PRPSAP1: variants seen among roughly 807,000 people sequenced by gnomAD.
PRPSAP1 encodes the protein phosphoribosyl pyrophosphate synthetase associated protein 1.
Under a neutral mutation model 39.4 loss-of-function variants are expected in PRPSAP1, and 31 were observed. The ratio of observed to expected loss-of-function variants is 0.79; its 90% CI spans 0.59 to 1.06. The LOEUF (loss-of-function observed/expected upper bound fraction) is 1.06, where lower values mean the gene tolerates loss of function less well. Among genes scored for constraint, PRPSAP1 ranks in the 50% least tolerant of loss-of-function variants. The pLI is 0.00. For synonymous variants in PRPSAP1, 212 were observed against 192.6 expected, an observed-to-expected ratio of 1.10 and a Z score of -0.83; for missense variants, 430 against 511.6, an observed-to-expected ratio of 0.84 and a Z score of 1.54.
intron 7 of PRPSAP1, among the ~76,000 whole-genome samples, chr17:76,324,327 A>G (rs1399192918): frequency 2.0e-5 from 3 of 151,936 alleles, no homozygotes; most frequent in African/African-American, 7.3e-5. Flanking sequence ...AGCCGGGCGC[A>G]GTGGCTCACG....
At chr17:76,342,311 C>T (rs2071447986) in intron 3 of PRPSAP1, among the ~76,000 whole-genome samples, 1 of 152,122 alleles carries the variant, frequency 6.6e-6, no homozygotes, top group Non-Finnish European at 1.5e-5. Context: ...AGCTTCCTTC[C>T]GAGGTACCTG....
intron 7 of PRPSAP1, chr17:76,314,651 T>A (rs1255403414): frequency 1.3e-5 from 2 of 152,506 alleles, no homozygotes; most frequent in Admixed American, 6.5e-5. Flanking sequence ...ATTATAGGCA[T>A]GAGCCACCGC....
At chr17:76,328,900 G>T (rs1368202836) in intron 6 of PRPSAP1, 38 bp from the exon 7 acceptor site, 1 of 1,575,350 alleles carries the variant, frequency 6.3e-7, no homozygotes, top group African/African-American at 1.4e-5. Context: ...CTGACAGGAA[G>T]AAATCCCACG....
intron 7 of PRPSAP1, 22 bp downstream of exon 7, chr17:76,328,695 A>T: frequency 6.3e-7 from 1 of 1,599,236 alleles, no homozygotes; most frequent in Non-Finnish European, 8.5e-7. Context: ...CAAATAAAAT[A>T]AAAACACAGA....
intron 3 of PRPSAP1, among the ~76,000 whole-genome samples, chr17:76,334,322 T>C (rs2071357034): frequency 6.6e-6 from 1 of 152,188 alleles, no homozygotes; most frequent in Non-Finnish European, 1.5e-5. Flanking sequence ...GCTGCCCTCA[T>C]TACAGCAAAG....
rs1286690900 is a variant in PRPSAP1 at position 76,311,503 on chromosome 17, T to G, written c.*39A>C. The G allele has an allele frequency of 1.3e-5, 21 of 1,590,382 alleles. No homozygotes were observed. Among genetic ancestry groups the G allele is most frequent in the Non-Finnish European group, 1.6e-5 (19 of 1,169,076 alleles). ...CACTCATGGCACTGCTTTTTCCATG[T>G]TTCCCTCAGGAGGTCCAGGGTCGAG... On this transcript the variant is annotated 3_prime_UTR_variant, in exon 10 of 10. Transcript: ENST00000446526.
At chr17:76,312,114 C>T (rs908271723) in intron 9 of PRPSAP1, among the ~76,000 whole-genome samples, 2 of 152,214 alleles carry the variant, frequency 1.3e-5, no homozygotes, top group South Asian at 2.1e-4. Flanking sequence ...TCTGGATAAA[C>T]GCATCATTAT....
chr17:76,350,362 C>T (rs920294897), intron 1 of PRPSAP1, among the ~76,000 whole-genome samples: 1 of 151,634 alleles, frequency 6.6e-6, no homozygotes, highest in South Asian at 2.1e-4. Flanking sequence ...TGGCGTGAAC[C>T]CAGGGGGCGG....
intron 9 of PRPSAP1, 47 bp from the exon 10 acceptor site, chr17:76,311,747 C>A: frequency 1.3e-6 from 2 of 1,577,812 alleles, no homozygotes; most frequent in South Asian, 1.2e-5. Flanking sequence ...GAAGTCTGTT[C>A]TCCAAGCTGG....
rs184655048 is a variant in PRPSAP1 at position 76,343,656 on chromosome 17, G to T, written c.290+1015C>A. 3.3e-5 allele frequency among the ~76,000 whole-genome samples: 5 copies of T among 152,264 alleles called. No individual in the cohort carries two copies. The East Asian group carries it at 5.8e-4, about 18-fold the overall frequency. On this transcript the variant is annotated intron_variant, in intron 3 of 9. Coordinates refer to ENST00000446526, the MANE Select transcript of PRPSAP1 (RefSeq NM_002766.3). ...TCAAGACCAGCCTGGCCAACATAGTGAAACCCTGTCTCTACTAAAAATACA... is the reference window on the plus strand; with the variant it reads ...TCAAGACCAGCCTGGCCAACATAGTTAAACCCTGTCTCTACTAAAAATACA...
In PRPSAP1 at chr17:76,353,530, T is replaced by C; in HGVS notation, c.170+4A>G. 2.0e-6 allele frequency: 3 copies of C among 1,513,798 alleles called. No individual in the cohort carries two copies. The highest frequency in any genetic ancestry group is 2.6e-6 in the Non-Finnish European group (3 of 1,133,972). 93.8% of individuals were successfully genotyped at this position (1,513,798 alleles called of 1,614,324 possible). A position where few individuals can be genotyped will look rare whatever the true frequency, so the allele number is the denominator to read the frequency against. On this transcript the variant is annotated splice_donor_region_variant and intron_variant, in intron 1 of 9. Coordinates refer to ENST00000446526, the MANE Select transcript of PRPSAP1 (RefSeq NM_002766.3). ...CCGGCCCGGCCCTCCCACCGCCCCC[T>C]TACTCTGTGATGCGCTTGGCCAGCT...
intron 1 of PRPSAP1, among the ~76,000 whole-genome samples, chr17:76,351,274 T>C (rs2143558946): frequency 6.6e-6 from 1 of 151,560 alleles, no homozygotes; most frequent in South Asian, 2.1e-4. Context: ...CCCAGCACTT[T>C]GGGAGGCCGA....
In PRPSAP1 at chr17:76,353,610, C is replaced by A; in HGVS notation, c.94G>T (p.Ala32Ser). The A allele has an allele frequency of 6.4e-7, 1 of 1,555,676 alleles. No individual in the cohort carries two copies. The highest frequency in any genetic ancestry group is 1.4e-5 in the African/African-American group (1 of 71,040). The part of the protein sequence containing the change: ...ARPVPPPAMN[A>S]ARTGYRVFSA... ...AAGACTCGGTAGCCGGTGCGAGCGGCGTTCATGGCCGGCGGGGGAACGGGG... is the reference window on the plus strand; with the variant it reads ...AAGACTCGGTAGCCGGTGCGAGCGGAGTTCATGGCCGGCGGGGGAACGGGG... Residue 32 changes from alanine (A) to serine (S), a missense_variant, in exon 1 of 10, where the codon GCC (alanine) becomes TCC (serine). Around this residue, in one of 2 missense-constraint regions of PRPSAP1, gnomAD observed 152 missense variants for 135.2 expected, o/e 1.12. Transcript: ENST00000446526.
chr17:76,353,433 G>C, intron 1 of PRPSAP1, 101 bp downstream of exon 1: 1 of 1,180,188 alleles, frequency 8.5e-7, no homozygotes, highest in Non-Finnish European at 1.1e-6. Flanking sequence ...TCCCGCCCCA[G>C]GTGCAGGAGG....
chr17:76,328,820 G>A lies in PRPSAP1; in HGVS notation c.678C>T (p.Val226=), dbSNP rs1598526636. The A allele has an allele frequency of 6.2e-7, 1 of 1,614,150 alleles. No individual in the cohort carries two copies. The highest frequency in any genetic ancestry group is 2.2e-5 in the East Asian group (1 of 44,882). Residue 226 remains valine (V), a synonymous_variant, in exon 7 of 10, where the codon GTC becomes GTT. Transcript: ENST00000446526. ...YAERLRLGLA[V]IHGEAQCTEL... is the part of the protein sequence containing the mutation. ...CCGTGCACTGAGCTTCCCCGTGAAT[G>A]ACGGCCAAACCCAGACGCAGTCTCT...
At chr17:76,328,519 G>A (rs1024286227) in intron 7 of PRPSAP1, among the ~76,000 whole-genome samples, 198 bp downstream of exon 7, 10 of 152,090 alleles carry the variant, frequency 6.6e-5, no homozygotes, top group Non-Finnish European at 1.3e-4. Context: ...TGAGGCAGGA[G>A]AATTGCTTGA....
At chr17:76,351,105 T>C (rs2071563803) in intron 1 of PRPSAP1, among the ~76,000 whole-genome samples, 1 of 152,164 alleles carries the variant, frequency 6.6e-6, no homozygotes, top group South Asian at 2.1e-4. Flanking sequence ...TTTTTAAAAA[T>C]ACTCCAGGTG....
chr17:76,328,203 A>G (rs1410780017), intron 7 of PRPSAP1, among the ~76,000 whole-genome samples: 4 of 147,720 alleles, frequency 2.7e-5, no homozygotes, highest in African/African-American at 1.0e-4. Context: ...AAAAAAAAAA[A>G]GGCGGAGGAT....
chr17:76,322,450 AAGG>A (rs1322594219), intron 7 of PRPSAP1, among the ~76,000 whole-genome samples: 6 of 152,162 alleles, frequency 3.9e-5, no homozygotes, highest in East Asian at 1.9e-4. Flanking sequence ...GGAGATACAC[AAGG>A]AGATTAGTGA....
Sources: gnomAD v4.1 joint callset for allele counts (sites outside exome capture counted in the v4.1 genomes callset) on GRCh38, gnomAD v4.1.1 for gene constraint, gnomAD v4.1.1 regional missense constraint, MANE v1.5 for transcripts, NCBI Gene and HGNC (gene_info 2026-07-23, HGNC 2026-07-21) for gene names.